Variants in GSDME observed in about 807,000 individuals in gnomAD.
GSDME encodes gasdermin-E.
In GSDME, 44 loss-of-function variants were observed where a neutral mutation model predicts 47.5. That is an observed-to-expected ratio of 0.93 (90% CI 0.73 to 1.19). GSDME has a LOEUF of 1.19. GSDME is among the 50% of genes most tolerant of loss of function. GSDME has a pLI of 0.00. For missense variants in GSDME, 663 were observed against 604.2 expected (o/e 1.10, Z -1.02); for synonymous variants, 258 against 252.8 (o/e 1.02, Z -0.20).
At position 24,708,148 on chromosome 7, in the gene GSDME, TA is replaced by T; in HGVS notation, c.968del (p.Leu323HisfsTer26). ...TCACCACTGGTTCCAGGACCATGAG[TA>T]GTTCATCATCAAATAGGACCGCCTG... ...IFQAVLFDDELLMVLEPVCDD... is the reference protein window; with the variant it reads ...IFQAVLFDDEXLMVLEPVCDD... On this transcript the variant is annotated frameshift_variant, in exon 7 of 10. Coordinates refer to ENST00000645220, the MANE Select transcript of GSDME (RefSeq NM_001127453.2). LOFTEE classifies it high-confidence loss of function. 6.2e-7 allele frequency: 1 copy of T among 1,614,048 alleles called. No individual in the cohort carries two copies.
chr7:24,699,774 C>G (rs1788787354), intron 9 of GSDME, among the ~76,000 whole-genome samples: 2 of 152,216 alleles, frequency 1.3e-5, no homozygotes, highest in African/African-American at 2.4e-5. Context: ...TGAATCCCTA[C>G]TCTCCAAACT....
chr7:24,731,774 G>A (rs957117762), intron 3 of GSDME, among the ~76,000 whole-genome samples: 3 of 152,222 alleles, frequency 2.0e-5, no homozygotes, highest in Non-Finnish European at 4.4e-5. Flanking sequence ...ATTCTGGGTC[G>A]TGAAGGTAGG....
chr7:24,774,721 C>A, the GSDME span, among the ~76,000 whole-genome samples: 1 of 151,908 alleles, frequency 6.6e-6, no homozygotes, highest in Non-Finnish European at 1.5e-5. Context: ...TTAGTAGAGA[C>A]GGGGTTTCAC....
At chr7:24,703,307 CCAAT>C (rs1788956844) in intron 8 of GSDME, 1 of 260,096 alleles carries the variant, frequency 3.8e-6, no homozygotes. Flanking sequence ...TACCCCATCA[CCAAT>C]CATTTTGGGG....
intron 4 of GSDME, 97 bp downstream of exon 4, chr7:24,718,950 A>G (rs1321075525): frequency 5.2e-6 from 7 of 1,354,276 alleles, no homozygotes; most frequent in East Asian, 2.3e-5. Context: ...TGCTACGGAA[A>G]GAGTCCTGAC....
the GSDME span, among the ~76,000 whole-genome samples, chr7:24,763,233 T>C: frequency 6.6e-6 from 1 of 152,156 alleles, no homozygotes; most frequent in African/African-American, 2.4e-5. This position sits in a 1 kb window ranked among gnomAD's most constrained non-coding sequence, Gnocchi z 4.3. Context: ...TTCTCTTCTT[T>C]AGTTTCACAG....
Position 24,744,852 on chromosome 7 carries a change from A to G in GSDME, c.212-98T>C, listed in dbSNP as rs914265990. The G allele has an allele frequency of 2.4e-5, 33 of 1,349,060 alleles. No individual in the cohort carries two copies. The highest frequency in any genetic ancestry group is 2.8e-5 in the Non-Finnish European group (27 of 963,970). 83.6% of individuals were successfully genotyped at this position (1,349,060 alleles called of 1,614,324 possible). ...TCCAAGCCTGTGCAGAGCCCCGGAA[A>G]GCAGAAGGCTGGCACTCAGATGGAA... On this transcript the variant is annotated intron_variant, in intron 2 of 9. Transcript: ENST00000645220. This position sits in a 1 kb window ranked among gnomAD's most constrained non-coding sequence, Gnocchi z 4.5.
the GSDME span, among the ~76,000 whole-genome samples, chr7:24,776,201 A>AG: frequency 6.6e-6 from 1 of 150,972 alleles, no homozygotes; most frequent in African/African-American, 2.4e-5. Context: ...AAAAAAAAAA[A>AG]GAATCACTGC....
rs1789378700 is a variant in GSDME, at chr7:24,712,113, A to G, written c.698-1725T>C. 1.3e-5 allele frequency among the ~76,000 whole-genome samples: 2 copies of G among 152,204 alleles called. No individual in the cohort carries two copies. Among genetic ancestry groups the G allele is most frequent in the African/African-American group, 4.8e-5 (2 of 41,456 alleles). ...GTGGGCATTAATGATGCTCATAAAG[A>G]TAGAATGGAAAAGAAAAAGAAGAAT... On this transcript the variant is annotated intron_variant, in intron 5 of 9. Transcript: ENST00000645220. The surrounding 1 kb of genome is among the most constrained non-coding windows in gnomAD (Gnocchi z 4.4).
At chr7:24,794,299 C>CCTCTCTCTCTCTCTCTCTCCTCTCT in the GSDME span, among the ~76,000 whole-genome samples, 1 of 148,338 alleles carries the variant, frequency 6.7e-6, no homozygotes, top group African/African-American at 2.5e-5. Flanking sequence ...CTCTTTCTCT[C>CCTCTCTCTCTCTCTCTCTCCTCTCT]CTCTCTCTCT....
chr7:24,769,239 T>C, the GSDME span, among the ~76,000 whole-genome samples: 1 of 152,148 alleles, frequency 6.6e-6, no homozygotes, highest in African/African-American at 2.4e-5. Flanking sequence ...ATTGCTTGCA[T>C]GGGAAACCCT....
At chr7:24,794,915 C>T in the GSDME span, among the ~76,000 whole-genome samples, 3 of 152,126 alleles carry the variant, frequency 2.0e-5, no homozygotes, top group African/African-American at 7.2e-5. Context: ...AAGTCAGAAC[C>T]GAAATCAAAG....
rs1247179643 is a variant in GSDME, at chr7:24,749,811, T to A, written c.-19-18A>T. ...CAGATTATCTGAAAAAGTAAAGTTA[T>A]CCTAAAATCAAATAAGAAGTTACTA... On this transcript the variant is annotated intron_variant, in intron 1 of 9. Transcript: ENST00000645220. 1 of 1,536,442 alleles carries A rather than the reference T, an allele frequency of 6.5e-7. No homozygotes were observed. The highest frequency in any genetic ancestry group is 1.4e-5 in the African/African-American group (1 of 73,214).
At chr7:24,771,780 C>T in the GSDME span, among the ~76,000 whole-genome samples, 6 of 152,138 alleles carry the variant, frequency 3.9e-5, no homozygotes, top group African/African-American at 1.4e-4. The surrounding 1 kb of genome is among the most constrained non-coding windows in gnomAD (Gnocchi z 4.1). Context: ...ACCTGCCTGG[C>T]TGCAGGAACC....
intron 5 of GSDME, among the ~76,000 whole-genome samples, chr7:24,711,832 A>G (rs1028375595): frequency 2.6e-4 from 40 of 151,710 alleles, no homozygotes; most frequent in African/African-American, 9.4e-4. Context: ...AAAAAAAAAA[A>G]AGGCAAAGAA....
chr7:24,702,817 T>C lies in GSDME; in HGVS notation c.1200A>G (p.Ala400=), dbSNP rs17149912. ...VSALAEMPDS[A]AALLGTCCKL... ...TGCAGCAAGTGCCCAGCAGAGCTGCTGCGCTATCTGGCATTTCTGCAGGAG... is the reference window on the plus strand; with the variant it reads ...TGCAGCAAGTGCCCAGCAGAGCTGCCGCGCTATCTGGCATTTCTGCAGGAG... The change falls in exon 9 of 10, where the codon GCA becomes GCG. Residue 400 remains alanine, a synonymous_variant. Transcript: ENST00000645220. 0.17 allele frequency: 268,472 copies of C among 1,612,490 alleles called. 24,394 individuals are homozygous for C. The highest frequency in any genetic ancestry group is 0.3 in the Admixed American group (17,894 of 59,982).
At chr7:24,711,953 G>T (rs1789372914) in intron 5 of GSDME, among the ~76,000 whole-genome samples, 1 of 152,044 alleles carries the variant, frequency 6.6e-6, no homozygotes, top group African/African-American at 2.4e-5. Context: ...ATGAGCTCAA[G>T]AATTAGCATT....
intron 2 of GSDME, among the ~76,000 whole-genome samples, chr7:24,748,913 A>G (rs574524405): frequency 1.3e-5 from 2 of 152,316 alleles, no homozygotes; most frequent in East Asian, 3.9e-4. Flanking sequence ...TATGTGAATG[A>G]CAAAAATTTT....
At chr7:24,749,511 AAAAG>A in intron 2 of GSDME, 49 bp downstream of exon 2, 1 of 1,475,870 alleles carries the variant, frequency 6.8e-7, no homozygotes, top group Non-Finnish European at 9.3e-7. Flanking sequence ...AAAAAAAAAA[AAAAG>A]GATCATCCTT....
Sources: gnomAD v4.1 joint callset for allele counts (sites outside exome capture counted in the v4.1 genomes callset) on GRCh38, gnomAD v4.1.1 for gene constraint, Gnocchi (gnomAD v3.1) non-coding constraint, MANE v1.5 for transcripts, NCBI Gene and HGNC (gene_info 2026-07-23, HGNC 2026-07-21) for gene names.